Variants in PRKCB observed in about 807,000 individuals in gnomAD.
The protein encoded by PRKCB is protein kinase C beta type.
PRKCB carries 13 observed loss-of-function variants against 81.5 expected under a neutral mutation model. That is an observed-to-expected ratio of 0.16 (90% confidence interval 0.10 to 0.25). The LOEUF is 0.25. Among genes scored for constraint, PRKCB ranks in the 10% least tolerant of loss-of-function variants. The probability of loss-of-function intolerance (pLI) is 1.00; values close to 1 mark genes in which losing one functional copy is unlikely to be tolerated. For missense variants in PRKCB, 509 were observed against 875.7 expected, an observed-to-expected ratio of 0.58 and a Z score of 5.29; for synonymous variants, 335 against 321.4, an observed-to-expected ratio of 1.04 and a Z score of -0.45.
chr16:24,079,405 T>A lies in PRKCB; in HGVS notation c.530-13386T>A, dbSNP rs561932993. ...ACCCGCGTTGTGTCTAGTTCCAGTT[T>A]GTTAAGAATTAGGTGCACAAGACCA... On this transcript the variant is annotated intron_variant, in intron 5 of 16. Coordinates refer to ENST00000643927, the MANE Select transcript of PRKCB (RefSeq NM_002738.7). 3.3e-5 allele frequency among the ~76,000 whole-genome samples: 5 copies of A among 152,330 alleles called. No homozygotes were observed. The South Asian group carries it at 1.0e-3, about 32-fold the overall frequency.
chr16:23,889,750 AG>A (rs1266330144), intron 2 of PRKCB, among the ~76,000 whole-genome samples: 3 of 152,254 alleles, frequency 2.0e-5, no homozygotes, highest in African/African-American at 7.2e-5. Flanking sequence ...TTAGCTGATC[AG>A]GCATGAGGCT....
intron 16 of PRKCB, among the ~76,000 whole-genome samples, chr16:24,209,934 C>A (rs1968113058): frequency 6.6e-6 from 1 of 151,242 alleles, no homozygotes; most frequent in Non-Finnish European, 1.5e-5. Flanking sequence ...CAAGACCCCA[C>A]ACACACACCC....
At chr16:24,184,991 A>G in intron 13 of PRKCB, 120 bp from the exon 14 acceptor site, 1 of 822,360 alleles carries the variant, frequency 1.2e-6, no homozygotes, top group South Asian at 1.5e-5. Flanking sequence ...TTCCCTGAAT[A>G]GCTAATATAA....
At chr16:23,958,538 C>T (rs978728577) in intron 2 of PRKCB, among the ~76,000 whole-genome samples, 4 of 147,380 alleles carry the variant, frequency 2.7e-5, no homozygotes, top group Non-Finnish European at 3.0e-5. Flanking sequence ...CTCCTGACCT[C>T]GTGATCCACC....
At chr16:23,880,538 G>A (rs925132428) in intron 2 of PRKCB, among the ~76,000 whole-genome samples, 4 of 151,936 alleles carry the variant, frequency 2.6e-5, no homozygotes, top group Admixed American at 2.0e-4. Flanking sequence ...AGCCTCTGCA[G>A]GCCTTTCTGA....
At chr16:24,160,901 G>A (rs975294835) in intron 10 of PRKCB, among the ~76,000 whole-genome samples, 1 of 152,116 alleles carries the variant, frequency 6.6e-6, no homozygotes, top group Non-Finnish European at 1.5e-5. Flanking sequence ...GTGAATGCCC[G>A]CGGCATGAGC....
At chr16:23,904,678 A>G (rs1003943530) in intron 2 of PRKCB, among the ~76,000 whole-genome samples, 5 of 152,202 alleles carry the variant, frequency 3.3e-5, no homozygotes, top group African/African-American at 1.2e-4. Flanking sequence ...AACAACAACA[A>G]CAACAACAAA....
chr16:23,928,968 C>T (rs1185343429), intron 2 of PRKCB, among the ~76,000 whole-genome samples: 21 of 152,052 alleles, frequency 1.4e-4, no homozygotes, highest in African/African-American at 4.8e-4. Context: ...CCGCCCGCCT[C>T]GGCATCCCAA....
chr16:24,011,425 A>G (rs1965201203), intron 3 of PRKCB, among the ~76,000 whole-genome samples: 1 of 152,218 alleles, frequency 6.6e-6, no homozygotes. Context: ...AAGTTAATAA[A>G]GAGTGTGGAC....
At chr16:23,957,576 G>A (rs1209723510) in intron 2 of PRKCB, among the ~76,000 whole-genome samples, 1 of 152,160 alleles carries the variant, frequency 6.6e-6, no homozygotes, top group Non-Finnish European at 1.5e-5. Context: ...CCCACGTGAA[G>A]CATCTGCCTT....
intron 9 of PRKCB, among the ~76,000 whole-genome samples, chr16:24,124,544 G>A (rs1478528771): frequency 6.6e-6 from 1 of 152,088 alleles, no homozygotes; most frequent in Non-Finnish European, 1.5e-5. Flanking sequence ...GAATGGAAAC[G>A]GTTCCTTTCA....
chr16:24,218,173 A>G lies in PRKCB; in HGVS notation c.*3357A>G, dbSNP rs1329460996. 2.3e-5 allele frequency: 23 copies of G among 985,278 alleles called. No homozygotes were observed. Among genetic ancestry groups the G allele is most frequent in the Non-Finnish European group, 2.7e-5 (22 of 829,924 alleles). 61.0% of individuals were successfully genotyped at this position (985,278 alleles called of 1,614,324 possible). On this transcript the variant is annotated 3_prime_UTR_variant, in exon 17 of 17. Transcript: ENST00000643927. ...GAATATTGTTTCTTGGAGAGAAATA[A>G]TAAATAAACAAGACAATTTCTGAAA...
At chr16:24,081,222 T>C (rs1159567984) in intron 5 of PRKCB, among the ~76,000 whole-genome samples, 1 of 151,686 alleles carries the variant, frequency 6.6e-6, no homozygotes, top group Non-Finnish European at 1.5e-5. Context: ...ATACACTCCG[T>C]CCAAATGAGT....
At position 24,180,832 on chromosome 16, in the gene PRKCB, C is replaced by T. The variant is rs1967609153; in HGVS notation, c.1437C>T (p.His479=). Residue 479 remains histidine (H), a synonymous_variant, in exon 13 of 17, where the codon CAC becomes CAT. Transcript: ENST00000643927. ...LDNVMLDSEG[H]IKIADFGMCK... ...ACGTGATGCTCGATTCTGAGGGACA[C>T]ATCAAGATTGCCGATTTTGGCATGT... 6 of 1,614,082 alleles carry T rather than the reference C, an allele frequency of 3.7e-6. 1 individual carries two copies. In the South Asian group the frequency reaches 5.5e-5, roughly 15 times the overall value.
At chr16:23,975,267 A>G (rs1429477003) in intron 2 of PRKCB, among the ~76,000 whole-genome samples, 3 of 152,050 alleles carry the variant, frequency 2.0e-5, no homozygotes, top group Non-Finnish European at 4.4e-5. Context: ...GGGGCCTGGG[A>G]TTGACACGCA....
At chr16:23,998,050 A>C (rs1964982839) in intron 3 of PRKCB, among the ~76,000 whole-genome samples, 1 of 152,230 alleles carries the variant, frequency 6.6e-6, no homozygotes, top group African/African-American at 2.4e-5. Context: ...AATTGCCTTC[A>C]TTGACATAGG....
chr16:24,126,771 T>C (rs1341463774), intron 9 of PRKCB, among the ~76,000 whole-genome samples: 1 of 151,412 alleles, frequency 6.6e-6, no homozygotes, highest in African/African-American at 2.4e-5. Flanking sequence ...CCTGACCTCA[T>C]GTGATCCGTT....
At chr16:24,157,243 T>C (rs549081121) in intron 10 of PRKCB, among the ~76,000 whole-genome samples, 1 of 152,148 alleles carries the variant, frequency 6.6e-6, no homozygotes, top group Admixed American at 6.5e-5. Context: ...AAGAGCCCAG[T>C]GGGTTTGGGT....
chr16:24,004,882 C>A (rs1965096555), intron 3 of PRKCB, among the ~76,000 whole-genome samples: 1 of 152,066 alleles, frequency 6.6e-6, no homozygotes, highest in Non-Finnish European at 1.5e-5. Flanking sequence ...AGGATAAATG[C>A]ATAGATTTAT....
Sources: allele counts gnomAD v4.1 joint callset (sites outside exome capture counted in the v4.1 genomes callset), GRCh38; gene constraint gnomAD v4.1.1; transcripts MANE v1.5; gene names NCBI Gene and HGNC (gene_info 2026-07-23, HGNC 2026-07-21).